SCN2A: variants seen among roughly 807,000 people sequenced by gnomAD.
The protein encoded by SCN2A is sodium voltage-gated channel alpha subunit 2.
In SCN2A, 20 loss-of-function variants were observed where a neutral mutation model predicts 188.7. The observed-to-expected ratio is 0.11, with a 90% CI of 0.07 to 0.15. The LOEUF is 0.15. Among genes scored for constraint, SCN2A ranks in the 10% least tolerant of loss-of-function variants. SCN2A has a pLI of 1.00. For missense variants in SCN2A, 1,278 were observed against 2,445.0 expected, an observed-to-expected ratio of 0.52 and a Z score of 10.07; for synonymous variants, 804 against 833.1, an observed-to-expected ratio of 0.97 and a Z score of 0.60.
chr2:165,298,810 A>G (rs1342966858), intron 3 of SCN2A, among the ~76,000 whole-genome samples: 2 of 152,298 alleles, frequency 1.3e-5, no homozygotes, highest in East Asian at 1.9e-4. Context: ...AACGTAATTT[A>G]TATATAAAAT....
chr2:165,365,051 A>T (rs2105355394), intron 17 of SCN2A, 92 bp from the exon 18 acceptor site: 3 of 1,150,190 alleles, frequency 2.6e-6, no homozygotes, highest in East Asian at 5.6e-5. Flanking sequence ...GAAAATGCAT[A>T]CAGAAGATGG....
chr2:165,271,851 G>GC (rs1027223395), intron 1 of SCN2A: 1 of 144,838 alleles, frequency 6.9e-6, no homozygotes, highest in Admixed American at 6.9e-5. Context: ...TCACTTAACA[G>GC]TTTTTTTTTT....
chr2:165,326,789 G>T, intron 12 of SCN2A, 63 bp from the exon 13 acceptor site: 7 of 1,580,832 alleles, frequency 4.4e-6, no homozygotes, highest in East Asian at 2.2e-5. Flanking sequence ...CCTGTTGTAG[G>T]AATGCTTTGG....
chr2:165,281,808 G>A (rs1695594579), intron 1 of SCN2A, among the ~76,000 whole-genome samples: 2 of 152,094 alleles, frequency 1.3e-5, no homozygotes, highest in African/African-American at 4.8e-5. Context: ...TGCTAAGAAG[G>A]GCCCCACACA....
intron 1 of SCN2A, among the ~76,000 whole-genome samples, chr2:165,250,469 C>T (rs549192466): frequency 2.7e-5 from 4 of 147,550 alleles, no homozygotes; most frequent in South Asian, 2.2e-4. Flanking sequence ...TTTAGGGAAA[C>T]GGTGCCCTCT....
intron 7 of SCN2A, among the ~76,000 whole-genome samples, chr2:165,311,436 A>C (rs1306438619): frequency 1.3e-5 from 2 of 152,116 alleles, no homozygotes; most frequent in Non-Finnish European, 2.9e-5. Flanking sequence ...CAGACAACAT[A>C]TCTCTCCAAA....
chr2:165,360,453 C>T (rs2105347852), intron 17 of SCN2A, among the ~76,000 whole-genome samples: 1 of 151,936 alleles, frequency 6.6e-6, no homozygotes, highest in Non-Finnish European at 1.5e-5. Context: ...TGATTCTGCC[C>T]TGCTTAAATC....
At chr2:165,333,213 A>G (rs1327723533) in intron 14 of SCN2A, among the ~76,000 whole-genome samples, 1 of 152,036 alleles carries the variant, frequency 6.6e-6, no homozygotes, top group African/African-American at 2.4e-5. Context: ...TACCATTACC[A>G]GAAGGAGGAT....
Position 165,297,141 on chromosome 2 carries a change from C to CT in SCN2A, c.386+11dup. The CT allele has an allele frequency of 1.4e-6, 2 of 1,457,026 alleles. No homozygotes were observed. Among genetic ancestry groups the CT allele is most frequent in the Non-Finnish European group, 1.9e-6 (2 of 1,037,896 alleles). The allele number at this position is 1,457,026 out of a possible 1,614,324, so 90.3% of individuals were successfully genotyped here. A position where few individuals can be genotyped will look rare whatever the true frequency, so the allele number is the denominator to read the frequency against. ...ATTAAGATTTTGGTACATTCATATC[C>CT]TTTTTCAAATCGTCACTTAATATGA... On this transcript the variant is annotated splice_region_variant and intron_variant, in intron 3 of 26. Coordinates refer to ENST00000375437, the MANE Select transcript of SCN2A (RefSeq NM_001040142.2).
At chr2:165,330,611 A>G (rs1698622622) in intron 13 of SCN2A, among the ~76,000 whole-genome samples, 1 of 152,156 alleles carries the variant, frequency 6.6e-6, no homozygotes, top group Admixed American at 6.6e-5. Flanking sequence ...GTTTACCATG[A>G]AAATGTATGA....
intron 12 of SCN2A, among the ~76,000 whole-genome samples, chr2:165,325,205 A>G (rs560567222): frequency 6.6e-6 from 1 of 152,352 alleles, no homozygotes; most frequent in African/African-American, 2.4e-5. Context: ...GCATTTATCA[A>G]TAATTATCAT....
At chr2:165,250,489 TCACA>T (rs3029614) in intron 1 of SCN2A, among the ~76,000 whole-genome samples, 19,980 of 147,826 alleles carry the variant, frequency 0.14, 1,568 homozygotes, top group Middle Eastern at 0.24. Context: ...TTGCTCTATT[TCACA>T]CACACACACA....
At chr2:165,342,496 A>G (rs1255644312) in intron 15 of SCN2A, 27 bp downstream of exon 15, 1 of 1,611,324 alleles carries the variant, frequency 6.2e-7, no homozygotes, top group Admixed American at 1.7e-5. Flanking sequence ...TGTTCATAAA[A>G]TGTACTTTGT....
chr2:165,291,041 T>TTC (rs1696081127), intron 1 of SCN2A, among the ~76,000 whole-genome samples: 1 of 129,626 alleles, frequency 7.7e-6, no homozygotes, highest in African/African-American at 3.1e-5. Flanking sequence ...CTTTCTTTTT[T>TTC]TTTTTTTTTT....
Position 165,304,278 on chromosome 2 carries a change from A to G in SCN2A, c.387-3570A>G, listed in dbSNP as rs138688579. On this transcript the variant is annotated intron_variant, in intron 3 of 26. Coordinates refer to ENST00000375437, the MANE Select transcript of SCN2A (RefSeq NM_001040142.2). ...CCTGGCTAATTTTTGTATTTTTAGTAGAGACAGAGTTTCACCATTTTACCC... is the reference window on the plus strand; with the variant it reads ...CCTGGCTAATTTTTGTATTTTTAGTGGAGACAGAGTTTCACCATTTTACCC... Among the ~76,000 whole-genome samples, 20 of 152,218 alleles carry G rather than the reference A, an allele frequency of 1.3e-4. No individual in the cohort carries two copies. In the East Asian group the frequency reaches 3.7e-3, roughly 28 times the overall value.
At chr2:165,248,635 T>TTTC (rs1559314439) in intron 1 of SCN2A, among the ~76,000 whole-genome samples, 3 of 151,922 alleles carry the variant, frequency 2.0e-5, no homozygotes, top group Non-Finnish European at 2.9e-5. Flanking sequence ...TTTTTCCTTT[T>TTTC]CTTTCCTTTC....
At chr2:165,316,958 T>A (rs538499554) in intron 11 of SCN2A, among the ~76,000 whole-genome samples, 6 of 152,300 alleles carry the variant, frequency 3.9e-5, no homozygotes, top group African/African-American at 1.4e-4. Context: ...AACCTTAAAG[T>A]TTCCACTTTA....
intron 13 of SCN2A, among the ~76,000 whole-genome samples, chr2:165,331,122 G>T (rs376021087): frequency 3.5e-4 from 53 of 152,234 alleles, no homozygotes; most frequent in African/African-American, 1.2e-3. Context: ...TGTTTAGCCA[G>T]GATACATTTG....
At chr2:165,293,432 AC>A (rs1696322685) in intron 1 of SCN2A, among the ~76,000 whole-genome samples, 1 of 152,200 alleles carries the variant, frequency 6.6e-6, no homozygotes, top group Non-Finnish European at 1.5e-5. Flanking sequence ...CAACTAGGTT[AC>A]ATGGTATAGC....
Sources: gnomAD v4.1 joint callset for allele counts (sites outside exome capture counted in the v4.1 genomes callset) on GRCh38, gnomAD v4.1.1 for gene constraint, MANE v1.5 for transcripts, NCBI Gene and HGNC (gene_info 2026-07-23, HGNC 2026-07-21) for gene names.